Variants in MED12L observed in about 807,000 individuals in gnomAD.
MED12L encodes mediator of RNA polymerase II transcription subunit 12-like protein.
In MED12L, 60 loss-of-function variants were observed where a neutral mutation model predicts 281.3. That is an observed-to-expected ratio of 0.21 (90% CI 0.17 to 0.26). MED12L has a LOEUF of 0.26. Among genes scored for constraint, MED12L ranks in the 10% least tolerant of loss-of-function variants. The pLI is 1.00. For missense variants in MED12L, 2,146 were observed against 2,680.9 expected, an observed-to-expected ratio of 0.80 and a Z score of 4.41; for synonymous variants, 974 against 987.2, an observed-to-expected ratio of 0.99 and a Z score of 0.25.
chr3:151,271,563 G>A (rs889909774), intron 16 of MED12L, among the ~76,000 whole-genome samples: 20 of 152,174 alleles, frequency 1.3e-4, no homozygotes, highest in Non-Finnish European at 2.5e-4. Flanking sequence ...AATATTCATA[G>A]CAACTCTTTT....
At chr3:151,123,703 T>C (rs1463980014) in intron 4 of MED12L, among the ~76,000 whole-genome samples, 1 of 152,220 alleles carries the variant, frequency 6.6e-6, no homozygotes, top group East Asian at 1.9e-4. Context: ...TTATCTCTTC[T>C]AAGGCCCTTT....
intron 3 of MED12L, among the ~76,000 whole-genome samples, chr3:151,118,386 T>C (rs971514783): frequency 6.6e-6 from 1 of 152,206 alleles, no homozygotes; most frequent in South Asian, 2.1e-4. Flanking sequence ...ACTTAAGCAG[T>C]GTGAAAGAAC....
At chr3:151,264,126 A>G (rs1739406564) in intron 16 of MED12L, among the ~76,000 whole-genome samples, 1 of 152,278 alleles carries the variant, frequency 6.6e-6, no homozygotes, top group African/African-American at 2.4e-5. Context: ...GTTACTGGAC[A>G]TTTGGGTTAT....
chr3:151,281,232 CAAAAAAAAAAAAAAAA>C (rs35035320), intron 16 of MED12L, among the ~76,000 whole-genome samples: 1 of 49,964 alleles, frequency 2.0e-5, no homozygotes, highest in African/African-American at 7.5e-5. Context: ...ACCAAAAATA[CAAAAAAAAAAAAAAAA>C]AAAAAAAAAA....
chr3:151,382,841 A>G, intron 33 of MED12L, 96 bp downstream of exon 33: 1 of 907,888 alleles, frequency 1.1e-6, no homozygotes, highest in Admixed American at 2.4e-5. Flanking sequence ...AGTCTGCATT[A>G]CAAGGTGAGG....
chr3:151,161,850 T>C (rs1050324688), intron 8 of MED12L, among the ~76,000 whole-genome samples: 1 of 152,076 alleles, frequency 6.6e-6, no homozygotes, highest in Non-Finnish European at 1.5e-5. Flanking sequence ...GTGGGCAATG[T>C]GTAGAGTATT....
chr3:151,253,732 G>A (rs1577134099), intron 16 of MED12L, among the ~76,000 whole-genome samples: 1 of 152,190 alleles, frequency 6.6e-6, no homozygotes, highest in Non-Finnish European at 1.5e-5. Context: ...TGGGGAATGG[G>A]GTGGGGCAGG....
At chr3:151,337,771 G>T in intron 16 of MED12L, 1 of 1,580,972 alleles carries the variant, frequency 6.3e-7, no homozygotes, top group South Asian at 1.1e-5. Context: ...TTGCTTTAAC[G>T]AGTTCTGAAC....
At chr3:151,277,281 A>G (rs755745865) in intron 16 of MED12L, among the ~76,000 whole-genome samples, 1 of 152,068 alleles carries the variant, frequency 6.6e-6, no homozygotes, top group Non-Finnish European at 1.5e-5. Context: ...TGTGCACACA[A>G]TTGTATGCAT....
At chr3:151,198,921 C>G in intron 16 of MED12L, 4 of 1,614,006 alleles carry the variant, frequency 2.5e-6, no homozygotes, top group Non-Finnish European at 3.4e-6. Flanking sequence ...TCCTTGATGT[C>G]TTTGATGGGA....
intron 36 of MED12L, 23 bp downstream of exon 36, chr3:151,385,214 A>T: frequency 8.9e-7 from 1 of 1,117,862 alleles, no homozygotes; most frequent in Non-Finnish European, 1.3e-6. Flanking sequence ...GTTTTTTCTT[A>T]TATATAAATT....
At chr3:151,193,223 T>G (rs1724210239) in intron 15 of MED12L, among the ~76,000 whole-genome samples, 1 of 152,200 alleles carries the variant, frequency 6.6e-6, no homozygotes, top group Non-Finnish European at 1.5e-5. Flanking sequence ...GCTTTTATCT[T>G]TAGCTTTCCA....
chr3:151,377,120 A>G lies in MED12L; in HGVS notation c.4258A>G (p.Ser1420Gly), dbSNP rs1379592137. The change falls in exon 30 of 45, where the codon AGT (serine) becomes GGT (glycine). Residue 1420 changes from serine to glycine, a missense_variant. This residue lies in a region of MED12L where 235 missense variants were observed against 260.3 expected (regional missense o/e 0.90). Coordinates refer to ENST00000687756, the MANE Select transcript of MED12L (RefSeq NM_001393769.1). The part of the protein sequence containing the change: ...NSGMSLFNPN[S>G]IGSADTSSTR... ...TGGCATGAGCCTCTTCAACCCAAACAGTATTGGAAGTGCTGATACAAGTAG... is the reference window on the plus strand; with the variant it reads ...TGGCATGAGCCTCTTCAACCCAAACGGTATTGGAAGTGCTGATACAAGTAG... 1.9e-6 allele frequency: 3 copies of G among 1,613,944 alleles called. No homozygotes were observed. The highest frequency in any genetic ancestry group is 1.7e-6 in the Non-Finnish European group (2 of 1,179,946).
intron 16 of MED12L, among the ~76,000 whole-genome samples, chr3:151,298,521 C>A (rs1286727552): frequency 2.6e-5 from 4 of 152,186 alleles, no homozygotes; most frequent in Non-Finnish European, 5.9e-5. Flanking sequence ...TGACACAGAG[C>A]GATAATTGAG....
rs74807235 is a variant in MED12L at position 151,348,106 on chromosome 3, T to C, written c.2251-1953T>C. ...ACAGGAATCATTCATCCTTGTATTT[T>C]TTCAGGGCTCCTAGCATTTTGTCTT... is the stretch of plus-strand genomic sequence containing the variant. On this transcript the variant is annotated intron_variant, in intron 16 of 44. Coordinates refer to ENST00000687756, the MANE Select transcript of MED12L (RefSeq NM_001393769.1). Among the ~76,000 whole-genome samples, 1,443 of 152,260 alleles carry C rather than the reference T, an allele frequency of 9.5e-3. 29 individuals carry two copies. Among genetic ancestry groups the C allele is most frequent in the African/African-American group, 0.033 (1,360 of 41,550 alleles).
At chr3:151,204,093 G>T (rs1489616794) in intron 16 of MED12L, among the ~76,000 whole-genome samples, 3 of 152,202 alleles carry the variant, frequency 2.0e-5, no homozygotes, top group Non-Finnish European at 2.9e-5. Flanking sequence ...ATATTTTCAA[G>T]AGTTCTGAAT....
At chr3:151,323,821 ATCCACTATTGGGGAGTTTAC>A (rs1749270359) in intron 16 of MED12L, among the ~76,000 whole-genome samples, 1 of 152,224 alleles carries the variant, frequency 6.6e-6, no homozygotes, top group Non-Finnish European at 1.5e-5. Flanking sequence ...GAACAAATGA[ATCCACTATTGGGGAGTTTAC>A]TCCCCCTGAG....
At chr3:151,195,978 G>T (rs1217008105) in intron 16 of MED12L, among the ~76,000 whole-genome samples, 1 of 152,192 alleles carries the variant, frequency 6.6e-6, no homozygotes, top group African/African-American at 2.4e-5. Context: ...AATGGTTGAG[G>T]GTTATGTGTT....
intron 11 of MED12L, among the ~76,000 whole-genome samples, chr3:151,181,159 GTTA>G (rs1486015125): frequency 2.6e-5 from 4 of 151,590 alleles, no homozygotes; most frequent in African/African-American, 9.7e-5. Context: ...AGCATCTAAG[GTTA>G]TTATGTTATA....
Sources: gnomAD v4.1 joint callset for allele counts (sites outside exome capture counted in the v4.1 genomes callset) on GRCh38, gnomAD v4.1.1 for gene constraint, gnomAD v4.1.1 regional missense constraint, MANE v1.5 for transcripts, NCBI Gene and HGNC (gene_info 2026-07-23, HGNC 2026-07-21) for gene names.